Variants in CCT3 observed in about 807,000 individuals in gnomAD.
CCT3 encodes T-complex protein 1 subunit gamma.
In CCT3, 10 loss-of-function variants were observed where a neutral mutation model predicts 65.3. The observed-to-expected ratio is 0.15, with a 90% CI of 0.09 to 0.26. The LOEUF (loss-of-function observed/expected upper bound fraction) is 0.26. CCT3 is among the 10% of genes least tolerant of loss of function. CCT3 has a pLI of 1.00. For synonymous variants in CCT3, 225 were observed against 242.3 expected (o/e 0.93, Z 0.66); for missense variants, 626 against 708.7 (o/e 0.88, Z 1.33).
Position 156,338,271 on chromosome 1 carries a change from A to C in CCT3, c.-87T>G, listed in dbSNP as rs1570944541. The C allele has an allele frequency of 7.2e-7, 1 of 1,392,802 alleles. No homozygotes were observed. The highest frequency in any genetic ancestry group is 1.0e-6 in the Non-Finnish European group (1 of 1,004,122). The allele number at this position is 1,392,802 out of a possible 1,614,324, so 86.3% of individuals were successfully genotyped here. ...AGAGAACCAGACAGAAGCCCAGAAA[A>C]CGCTGCCTCCTCAGGGCTTACACCT... On this transcript the variant is annotated 5_prime_UTR_variant, in exon 1 of 14. Transcript: ENST00000295688.
intron 9 of CCT3, 22 bp downstream of exon 9, chr1:156,317,393 G>C (rs781125952): frequency 3.1e-6 from 5 of 1,603,266 alleles, no homozygotes; most frequent in Non-Finnish European, 4.3e-6. Flanking sequence ...AAGGTAGGCT[G>C]GAAAAAGTAA....
intron 1 of CCT3, chr1:156,337,053 A>C: frequency 7.8e-7 from 1 of 1,282,614 alleles, no homozygotes; most frequent in Admixed American, 2.3e-5. Context: ...TGAGGTACAG[A>C]AGTTACACAC....
intron 6 of CCT3, among the ~76,000 whole-genome samples, chr1:156,322,937 C>T (rs1045239959): frequency 6.6e-6 from 1 of 152,128 alleles, no homozygotes; most frequent in African/African-American, 2.4e-5. Context: ...GAGCTTACTG[C>T]ATAAAAATAA....
Position 156,311,145 on chromosome 1 carries a change from G to C in CCT3, c.1206C>G (p.Leu402=), listed in dbSNP as rs760598581. 4.3e-6 allele frequency: 7 copies of C among 1,614,104 alleles called. No individual in the cohort carries two copies. In the South Asian group the frequency reaches 7.7e-5, roughly 18 times the overall value. The change falls in exon 12 of 14, where the codon CTC becomes CTG. Residue 402 remains leucine (L), a synonymous_variant. Coordinates refer to ENST00000295688, the MANE Select transcript of CCT3 (RefSeq NM_005998.5). ...CCCCTGGCACCAGCTGAGGGTCCAG[G>C]AGAACATTGCGACACACTTGCATGG... The part of the protein sequence containing the change: ...QDAMQVCRNV[L]LDPQLVPGGG...
chr1:156,311,855 T>G (rs1664097126), intron 11 of CCT3, among the ~76,000 whole-genome samples, 186 bp downstream of exon 11: 1 of 152,154 alleles, frequency 6.6e-6, no homozygotes, highest in Non-Finnish European at 1.5e-5. Flanking sequence ...GTAAATTTTA[T>G]GCTTACTACA....
At position 156,311,096 on chromosome 1, in the gene CCT3, C is replaced by A. The variant is rs1572626033; in HGVS notation, c.1255G>T (p.Ala419Ser). 1.2e-6 allele frequency: 2 copies of A among 1,614,172 alleles called. No homozygotes were observed. The highest frequency in any genetic ancestry group is 2.2e-5 in the South Asian group (2 of 91,080). ...TTGGATTTTTCTGTCAAGGCATGGG[C>A]CACAGCCATCTCGGAGGCCCCACCC... ...PGGGASEMAV[A>S]HALTEKSKAM... Residue 419 changes from alanine (A) to serine (S), a missense_variant, in exon 12 of 14, where the codon GCC (alanine) becomes TCC (serine). Ala to Ser is a moderately conservative substitution (Grantham distance 99). Transcript: ENST00000295688.
Position 156,315,733 on chromosome 1 carries a change from A to G in CCT3, c.974+1433T>C, listed in dbSNP as rs548127470. ...CCCAAGTTGTTCAAGGGTCAACTGT[A>G]CACTTAAGGCAACTAGTCATCACTA... On this transcript the variant is annotated intron_variant, in intron 10 of 13. Coordinates refer to ENST00000295688, the MANE Select transcript of CCT3 (RefSeq NM_005998.5). Among the ~76,000 whole-genome samples the G allele has an allele frequency of 1.1e-4, 17 of 152,288 alleles. No individual in the cohort carries two copies. The South Asian group carries it at 3.3e-3, about 30-fold the overall frequency.
chr1:156,326,326 T>C (rs996668065), intron 5 of CCT3, among the ~76,000 whole-genome samples: 1 of 150,974 alleles, frequency 6.6e-6, no homozygotes, highest in Non-Finnish European at 1.5e-5. Context: ...AAGATTCTGT[T>C]TCAAAAAAAT....
At position 156,308,998 on chromosome 1, in the gene CCT3, A is replaced by C. The variant is rs992203588; in HGVS notation, c.*201T>G. The C allele has an allele frequency of 1.7e-4, 84 of 480,892 alleles. No individual in the cohort carries two copies. Among genetic ancestry groups the C allele is most frequent in the Non-Finnish European group, 2.5e-4 (68 of 270,508 alleles). 29.8% of individuals were successfully genotyped at this position (480,892 alleles called of 1,614,324 possible). On this transcript the variant is annotated 3_prime_UTR_variant, in exon 14 of 14. Transcript: ENST00000295688. ...TGACTTAGATTTAATCATCGGAAGC[A>C]AACTAAATGGAAACCTTACAATAGA... is the stretch of plus-strand genomic sequence containing the variant.
rs1664362836 is a variant in CCT3 at position 156,317,631 on chromosome 1, C to T, written c.760-84G>A. ...GTCATATTATACTCCTTCCACCCAC[C>T]TCTCCCACGTATCTCAGAGTCAGAA... On this transcript the variant is annotated intron_variant, in intron 8 of 13. Coordinates refer to ENST00000295688, the MANE Select transcript of CCT3 (RefSeq NM_005998.5). The T allele has an allele frequency of 7.9e-6, 10 of 1,262,256 alleles. No individual in the cohort carries two copies. The South Asian group carries it at 1.3e-4, about 16-fold the overall frequency. 78.2% of individuals were successfully genotyped at this position (1,262,256 alleles called of 1,614,324 possible). A position where few individuals can be genotyped will look rare whatever the true frequency, so the allele number is the denominator to read the frequency against.
intron 1 of CCT3, 181 bp from the exon 2 acceptor site, chr1:156,336,069 A>G (rs938155370): frequency 1.0e-5 from 5 of 490,818 alleles, no homozygotes; most frequent in Middle Eastern, 3.0e-4. Flanking sequence ...ATCTCAAAAA[A>G]CTGTAAACAT....
At chr1:156,333,688 C>T in intron 4 of CCT3, 45 bp from the exon 5 acceptor site, 1 of 1,436,808 alleles carries the variant, frequency 7.0e-7, no homozygotes, top group Non-Finnish European at 9.8e-7. Flanking sequence ...TCAAAGACCT[C>T]TGAACTCATG....
Position 156,321,001 on chromosome 1 carries a change from A to G in CCT3, c.447T>C (p.Ser149=). 1 of 1,613,548 alleles carries G rather than the reference A, an allele frequency of 6.2e-7. No homozygotes were observed. The highest frequency in any genetic ancestry group is 1.7e-4 in the Middle Eastern group (1 of 6,060). The change falls in exon 7 of 14, where the codon AGT becomes AGC. Residue 149 remains serine, a synonymous_variant. Transcript: ENST00000295688. ...TGTTGATGATGTTCAGCATCATATC[A>G]CTGTCACTGATGTCGACTGGGATAC... is the stretch of plus-strand genomic sequence containing the variant. The part of the protein sequence containing the change: ...KISIPVDISD[S]DMMLNIINSS...
In CCT3 at chr1:156,308,976, CTTAGAT is replaced by C. The variant is rs1481750687; in HGVS notation, c.*217_*222del. On this transcript the variant is annotated 3_prime_UTR_variant, in exon 14 of 14. Coordinates refer to ENST00000295688, the MANE Select transcript of CCT3 (RefSeq NM_005998.5). Reference sequence around the variant, plus strand: ...AACACATAACAACTTTCTCAAATGACTTAGATTTAATCATCGGAAGCAAACTAAATG... The same window carrying C: ...AACACATAACAACTTTCTCAAATGACTTAATCATCGGAAGCAAACTAAATG... 8.2e-5 allele frequency: 36 copies of C among 438,066 alleles called. No homozygotes were observed. Among genetic ancestry groups the C allele is most frequent in the Non-Finnish European group, 1.3e-4 (32 of 245,370 alleles). 27.1% of individuals were successfully genotyped at this position (438,066 alleles called of 1,614,324 possible). A position where few individuals can be genotyped will look rare whatever the true frequency, so the allele number is the denominator to read the frequency against.
intron 2 of CCT3, 41 bp downstream of exon 2, chr1:156,335,786 G>C: frequency 6.5e-7 from 1 of 1,546,510 alleles, no homozygotes; most frequent in Non-Finnish European, 8.9e-7. Context: ...AGGAAAGATA[G>C]CTGGAGGCAA....
intron 1 of CCT3, chr1:156,337,866 G>C: frequency 4.0e-6 from 2 of 503,960 alleles, no homozygotes; most frequent in Non-Finnish European, 7.1e-6. Context: ...GCAGGGGCGG[G>C]GGAAGCGTGG....
chr1:156,321,053 T>C (rs947871583), intron 6 of CCT3, 28 bp from the exon 7 acceptor site: 1 of 1,585,676 alleles, frequency 6.3e-7, no homozygotes. Context: ...AGACGATATG[T>C]GAAGAAGGCA....
Position 156,311,136 on chromosome 1 carries a change from A to G in CCT3, c.1215T>C (p.Pro405=), listed in dbSNP as rs767253456. The G allele has an allele frequency of 6.2e-7, 1 of 1,613,896 alleles. No individual in the cohort carries two copies. The highest frequency in any genetic ancestry group is 1.7e-5 in the Admixed American group (1 of 59,994). ...MQVCRNVLLD[P]QLVPGGGASE... The stretch of plus-strand genomic sequence containing the variant: ...AGGCCCCACCCCCTGGCACCAGCTG[A>G]GGGTCCAGGAGAACATTGCGACACA... Residue 405 remains proline (P), a synonymous_variant, in exon 12 of 14, where the codon CCT becomes CCC. Transcript: ENST00000295688.
At chr1:156,329,628 T>A (rs566766112) in intron 5 of CCT3, among the ~76,000 whole-genome samples, 7 of 151,088 alleles carry the variant, frequency 4.6e-5, no homozygotes, top group Admixed American at 1.3e-4. Context: ...TTAAGCAGCA[T>A]ATTATTGCAT....
Sources: allele counts gnomAD v4.1 joint callset (sites outside exome capture counted in the v4.1 genomes callset), GRCh38; gene constraint gnomAD v4.1.1; transcripts MANE v1.5; gene names NCBI Gene and HGNC (gene_info 2026-07-23, HGNC 2026-07-21).